The following ZNF541 variants were observed in gnomAD, a reference collection of about 807,000 sequenced individuals.
ZNF541 encodes zinc finger protein 541.
In ZNF541, 23 loss-of-function variants were observed where a neutral mutation model predicts 123.5. That is an observed-to-expected ratio of 0.19 (90% CI 0.13 to 0.26). The LOEUF is 0.26. ZNF541 is among the 10% of genes least tolerant of loss of function. ZNF541 has a pLI of 1.00. For missense variants in ZNF541, 1,612 were observed against 1,789.9 expected (o/e 0.90, Z 1.79); for synonymous variants, 751 against 754.5 (o/e 1.00, Z 0.08).
chr19:47,571,861 G>A (rs1306692328), intron 2 of ZNF541, among the ~76,000 whole-genome samples, 35 bp downstream of exon 2: 2 of 152,180 alleles, frequency 1.3e-5, no homozygotes, highest in Non-Finnish European at 2.9e-5. Context: ...AACAAAGCAG[G>A]TGTCTTTGGC....
chr19:47,542,685 C>T (rs1970132214), intron 5 of ZNF541, among the ~76,000 whole-genome samples: 1 of 151,792 alleles, frequency 6.6e-6, no homozygotes, highest in East Asian at 1.9e-4. Flanking sequence ...CAGTGGCTCA[C>T]ACCTGCAATC....
At chr19:47,542,610 C>A (rs958349201) in intron 5 of ZNF541, among the ~76,000 whole-genome samples, 2 of 152,058 alleles carry the variant, frequency 1.3e-5, no homozygotes, top group African/African-American at 4.8e-5. Context: ...CAAGATTGCA[C>A]CACTATACTC....
intron 4 of ZNF541, among the ~76,000 whole-genome samples, chr19:47,548,765 C>A (rs867839259): frequency 1.6e-4 from 25 of 152,130 alleles, no homozygotes; most frequent in Non-Finnish European, 1.9e-4. Context: ...CTCTTCCCTG[C>A]GCTCTGATGG....
chr19:47,525,458 A>G (rs1203612008), intron 14 of ZNF541, among the ~76,000 whole-genome samples: 2 of 152,232 alleles, frequency 1.3e-5, no homozygotes, highest in Non-Finnish European at 2.9e-5. Flanking sequence ...AGAAAGCTAC[A>G]GTAGTAAAAA....
chr19:47,553,737 G>A (rs932595425), intron 3 of ZNF541, among the ~76,000 whole-genome samples: 3 of 151,818 alleles, frequency 2.0e-5, no homozygotes, highest in African/African-American at 4.8e-5. Context: ...ATGGGGTTTC[G>A]CCATGTTGGC....
intron 14 of ZNF541, 63 bp downstream of exon 14, chr19:47,528,887 C>T: frequency 7.2e-7 from 1 of 1,390,680 alleles, no homozygotes; most frequent in Non-Finnish European, 1.0e-6. Flanking sequence ...ACCAGCCCTG[C>T]AGCTCTAGCT....
At position 47,540,259 on chromosome 19, in the gene ZNF541, A is replaced by T; in HGVS notation, c.2539T>A (p.Phe847Ile). ...TFVCKNCSQM[F>I]YTEKGLSSHM... Reference sequence around the variant, plus strand: ...CTGCTCAGCCCTTTCTCCGTATAAAACATCTGGCTGCAGTTCTTGCAGACA... The same window carrying T: ...CTGCTCAGCCCTTTCTCCGTATAAATCATCTGGCTGCAGTTCTTGCAGACA... Residue 847 changes from phenylalanine (F) to isoleucine (I), a missense_variant, in exon 7 of 17, where the codon TTT becomes ATT. By Grantham distance (21) the Phe-to-Ile change is conservative. This residue lies in a region of ZNF541 where 1,080 missense variants were observed against 1,013.8 expected (regional missense o/e 1.07). Transcript: ENST00000391901. The T allele has an allele frequency of 6.4e-7, 1 of 1,551,788 alleles. No individual in the cohort carries two copies. Among genetic ancestry groups the T allele is most frequent in the Non-Finnish European group, 8.7e-7 (1 of 1,147,016 alleles).
At chr19:47,540,549 C>T (rs1039692694) in intron 6 of ZNF541, among the ~76,000 whole-genome samples, 1 of 151,440 alleles carries the variant, frequency 6.6e-6, no homozygotes, top group Admixed American at 6.6e-5. Context: ...AAGTGATTTT[C>T]GTGCCTCAGC....
At position 47,537,052 on chromosome 19, in the gene ZNF541, T is replaced by A. The variant is rs79718137; in HGVS notation, c.3094+1090A>T. ...GGCAAATCCAAAGAGAGAAGGCAGA[T>A]GAGTGGGTGCCCAGGCTGGGGGAAG... On this transcript the variant is annotated intron_variant, in intron 9 of 16. Coordinates refer to ENST00000391901, the MANE Select transcript of ZNF541 (RefSeq NM_001277075.3). Among the ~76,000 whole-genome samples the A allele has an allele frequency of 3.1e-3, 466 of 152,228 alleles. 20 individuals carry two copies. In the East Asian group the frequency reaches 0.073, roughly 24 times the overall value.
chr19:47,544,514 T>TCTCTTC lies in ZNF541; in HGVS notation c.2014_2015insGAAGAG (p.Pro671_Asp672insGlyArg), dbSNP rs1186718153. The stretch of plus-strand genomic sequence containing the variant: ...CAGCTGCTTGGCCAGAGAAGAGATG[T>TCTCTTC]CTGGATTCCTGGAAGGGTCCAGAGA... On this transcript the variant is annotated inframe_insertion, in exon 5 of 17. Coordinates refer to ENST00000391901, the MANE Select transcript of ZNF541 (RefSeq NM_001277075.3). The TCTCTTC allele has an allele frequency of 8.4e-6, 13 of 1,551,480 alleles. No homozygotes were observed. The highest frequency in any genetic ancestry group is 1.1e-5 in the Non-Finnish European group (13 of 1,146,992).
intron 2 of ZNF541, among the ~76,000 whole-genome samples, chr19:47,559,792 G>C (rs758645925): frequency 1.3e-5 from 2 of 150,266 alleles, no homozygotes; most frequent in Non-Finnish European, 3.0e-5. Flanking sequence ...GGAGGTTGTA[G>C]TGAGCCGAGA....
At chr19:47,552,304 G>C (rs1260446044) in intron 3 of ZNF541, among the ~76,000 whole-genome samples, 5 of 152,192 alleles carry the variant, frequency 3.3e-5, no homozygotes, top group Non-Finnish European at 5.9e-5. Flanking sequence ...ATGAGATGCA[G>C]TGTGACAGAC....
intron 9 of ZNF541, among the ~76,000 whole-genome samples, chr19:47,533,359 CAAAAAAAAAAAAAAAAAAA>C (rs57243927): frequency 6.4e-4 from 12 of 18,730 alleles, no homozygotes; most frequent in Non-Finnish European, 9.3e-4. Context: ...GACTCCATCT[CAAAAAAAAAAAAAAAAAAA>C]AAAAAAAAAA....
intron 3 of ZNF541, 145 bp downstream of exon 3, chr19:47,555,405 C>T: frequency 1.4e-6 from 1 of 698,162 alleles, no homozygotes; most frequent in Non-Finnish European, 2.3e-6. Context: ...GAATGATTCC[C>T]AAGTAGGAAA....
Position 47,521,629 on chromosome 19 carries a change from G to C in ZNF541, c.3737C>G (p.Pro1246Arg). 6.4e-7 allele frequency: 1 copy of C among 1,551,706 alleles called. No individual in the cohort carries two copies. Among genetic ancestry groups the C allele is most frequent in the African/African-American group, 1.4e-5 (1 of 73,126 alleles). The change falls in exon 16 of 17, where the codon CCC becomes CGC. Residue 1246 changes from proline (P) to arginine (R), a missense_variant. Around this residue, in one of 5 missense-constraint regions of ZNF541, gnomAD observed 285 missense variants for 407.3 expected, o/e 0.70. Coordinates refer to ENST00000391901, the MANE Select transcript of ZNF541 (RefSeq NM_001277075.3). The surrounding 1 kb of genome is among the most constrained non-coding windows in gnomAD (Gnocchi z 4.2). Reference protein sequence around the residue: ...EKVPCSPRERPSHHPTPKLKT... With the variant: ...EKVPCSPRERRSHHPTPKLKT... ...TAACTTGGGAGTTGGATGGTGGCTG[G>C]GTCTCTCCCGAGGGCTGCATGGGAC...
chr19:47,545,804 G>C lies in ZNF541; in HGVS notation c.725C>G (p.Ala242Gly). 1 of 1,544,922 alleles carries C rather than the reference G, an allele frequency of 6.5e-7. No homozygotes were observed. The highest frequency in any genetic ancestry group is 8.7e-7 in the Non-Finnish European group (1 of 1,144,806). Reference protein sequence around the residue: ...EEEACGDSPHAHESAGQPPPS... With the variant: ...EEEACGDSPHGHESAGQPPPS... ...GGGCGGCTGGCCGGCCGACTCGTGG[G>C]CGTGGGGGGAGTCCCCGCAGGCCTC... Residue 242 changes from alanine (A) to glycine (G), a missense_variant, in exon 5 of 17, where the codon GCC becomes GGC. Transcript: ENST00000391901. This position sits in a 1 kb window ranked among gnomAD's most constrained non-coding sequence, Gnocchi z 7.5.
rs145273646 is a variant in ZNF541 at position 47,569,199 on chromosome 19, T to A, written c.-99+2697A>T. 2.0e-4 allele frequency among the ~76,000 whole-genome samples: 31 copies of A among 152,180 alleles called. 1 individual carries two copies. Among genetic ancestry groups the A allele is most frequent in the South Asian group, 4.2e-4 (2 of 4,810 alleles). ...CTAGAAAGGGCTTATGGTCTCCAGT[T>A]TTCCCAGCCCTCACTTATCTTCCTG... On this transcript the variant is annotated intron_variant, in intron 2 of 16. Coordinates refer to ENST00000391901, the MANE Select transcript of ZNF541 (RefSeq NM_001277075.3).
chr19:47,551,171 C>T (rs1416327641), intron 3 of ZNF541, among the ~76,000 whole-genome samples: 4 of 151,470 alleles, frequency 2.6e-5, no homozygotes, highest in African/African-American at 9.7e-5. Flanking sequence ...TCTGCAGTAG[C>T]TGGGACTACA....
At chr19:47,537,432 C>T (rs530326541) in intron 9 of ZNF541, among the ~76,000 whole-genome samples, 19 of 151,330 alleles carry the variant, frequency 1.3e-4, no homozygotes, top group African/African-American at 1.9e-4. Context: ...GGCATGATGG[C>T]GCACGCCTGT....
Sources: allele counts gnomAD v4.1 joint callset (sites outside exome capture counted in the v4.1 genomes callset), GRCh38; gene constraint gnomAD v4.1.1; regional missense constraint gnomAD v4.1.1; non-coding constraint Gnocchi (gnomAD v3.1); transcripts MANE v1.5; gene names NCBI Gene and HGNC (gene_info 2026-07-23, HGNC 2026-07-21).